The following FXYD5 variants were observed in gnomAD, a reference collection of about 807,000 sequenced individuals.
FXYD5 encodes the protein FXYD domain containing ion transport regulator 5.
A neutral mutation model predicts 25.7 loss-of-function variants in FXYD5; 21 were observed. The ratio of observed to expected loss-of-function variants is 0.82; its 90% CI spans 0.58 to 1.18. The LOEUF (loss-of-function observed/expected upper bound fraction) is 1.18, where lower values mean the gene tolerates loss of function less well. FXYD5 is among the 50% of genes most tolerant of loss of function. The pLI, the probability that FXYD5 is intolerant of heterozygous loss-of-function variation, is 0.00. For synonymous variants in FXYD5, 101 were observed against 90.7 expected, an observed-to-expected ratio of 1.11 and a Z score of -0.64; for missense variants, 229 against 227.7, an observed-to-expected ratio of 1.01 and a Z score of -0.04.
intron 3 of FXYD5, chr19:35,157,726 G>T: frequency 2.4e-6 from 1 of 414,124 alleles, no homozygotes; most frequent in East Asian, 5.8e-5. Context: ...TTCAGGAAGA[G>T]TCTCCTCTCA....
At chr19:35,165,999 G>A (rs1056157391) in intron 6 of FXYD5, 143 bp from the exon 7 acceptor site, 4 of 767,842 alleles carry the variant, frequency 5.2e-6, no homozygotes, top group South Asian at 1.5e-5. Flanking sequence ...AGGAATAATG[G>A]GAGCCAGATT....
rs1600514994 is a variant in FXYD5, at chr19:35,169,746, T to C, written c.*131T>C. The C allele has an allele frequency of 1.5e-5, 10 of 683,594 alleles. No individual in the cohort carries two copies. In the South Asian group the frequency reaches 1.5e-4, roughly 10 times the overall value. The allele number at this position is 683,594 out of a possible 1,614,324, so 42.3% of individuals were successfully genotyped here. A position where few individuals can be genotyped will look rare whatever the true frequency, so the allele number is the denominator to read the frequency against. On this transcript the variant is annotated 3_prime_UTR_variant, in exon 9 of 9. Transcript: ENST00000392219. ...AGAGGGAAGACACAGATGATGAAGC[T>C]GGAGCCAGGGCTGCCGGTCCGAGTC...
chr19:35,155,476 G>A, intron 1 of FXYD5, 75 bp from the exon 2 acceptor site: 1 of 1,232,834 alleles, frequency 8.1e-7, no homozygotes, highest in Non-Finnish European at 1.2e-6. Flanking sequence ...GGAAAGGGCT[G>A]CAGGATCCCC....
chr19:35,160,153 G>A (rs2065391928), intron 4 of FXYD5, among the ~76,000 whole-genome samples: 1 of 152,214 alleles, frequency 6.6e-6, no homozygotes, highest in South Asian at 2.1e-4. Flanking sequence ...AGGCTACAGT[G>A]AGCTATGATT....
chr19:35,158,434 AC>A, intron 4 of FXYD5, 34 bp downstream of exon 4: 1 of 1,294,796 alleles, frequency 7.7e-7, no homozygotes, highest in Non-Finnish European at 1.1e-6. Flanking sequence ...CGGGGACAGG[AC>A]CAAGACAAAC....
intron 4 of FXYD5, among the ~76,000 whole-genome samples, chr19:35,158,690 G>T (rs1411988981): frequency 1.3e-5 from 2 of 152,152 alleles, no homozygotes; most frequent in African/African-American, 4.8e-5. Flanking sequence ...TACCAACCGG[G>T]TCAAGGAGCA....
At position 35,169,848 on chromosome 19, in the gene FXYD5, G is replaced by A. The variant is rs2065483947; in HGVS notation, c.*233G>A. 1.8e-6 allele frequency: 1 copy of A among 562,562 alleles called. No homozygotes were observed. Among genetic ancestry groups the A allele is most frequent in the East Asian group, 3.0e-5 (1 of 32,982 alleles). 34.8% of individuals were successfully genotyped at this position (562,562 alleles called of 1,614,324 possible). Reference sequence around the variant, plus strand: ...GGCTGTCCCTCAAGTTATCTCCTCTGCTAAGACAAAAAGTAAAGCACTGTG... The same window carrying A: ...GGCTGTCCCTCAAGTTATCTCCTCTACTAAGACAAAAAGTAAAGCACTGTG... On this transcript the variant is annotated 3_prime_UTR_variant, in exon 9 of 9. Coordinates refer to ENST00000392219, the MANE Select transcript of FXYD5 (RefSeq NM_014164.6).
Position 35,169,579 on chromosome 19 carries a change from G to A in FXYD5, c.501G>A (p.Arg167=). 2 of 1,610,690 alleles carry A rather than the reference G, an allele frequency of 1.2e-6. No homozygotes were observed. Among genetic ancestry groups the A allele is most frequent in the Non-Finnish European group, 1.7e-6 (2 of 1,176,822 alleles). Residue 167 remains arginine (R), a synonymous_variant, in exon 9 of 9, where the codon AGG becomes AGA. Transcript: ENST00000392219. ...CTTCACCCACAGGTGGCAAGTGCAG[G>A]CAGCTGTCCCGGTTATGCCGGAATC... ...GIIILTSGKC[R]QLSRLCRNRC... is the part of the protein sequence containing the mutation.
intron 4 of FXYD5, chr19:35,159,670 C>A: frequency 6.5e-7 from 1 of 1,533,460 alleles, no homozygotes; most frequent in South Asian, 1.2e-5. Context: ...ATGTGCTGGT[C>A]ATGGTTCTAA....
At chr19:35,168,530 G>A (rs920288859) in intron 8 of FXYD5, among the ~76,000 whole-genome samples, 2 of 152,150 alleles carry the variant, frequency 1.3e-5, no homozygotes, top group African/African-American at 4.8e-5. Flanking sequence ...AGGGTAGGTT[G>A]GGGGAGAGGA....
intron 8 of FXYD5, among the ~76,000 whole-genome samples, chr19:35,167,322 G>A (rs2065459285): frequency 6.6e-6 from 1 of 152,196 alleles, no homozygotes; most frequent in South Asian, 2.1e-4. Flanking sequence ...CCTGGTGAGA[G>A]ATGGAACTGG....
chr19:35,162,078 A>C (rs775875234), intron 5 of FXYD5, among the ~76,000 whole-genome samples: 11 of 152,248 alleles, frequency 7.2e-5, no homozygotes, highest in Non-Finnish European at 1.5e-4. Flanking sequence ...CACACTTATC[A>C]ATGATAAAGC....
rs1245577210 is a variant in FXYD5 at position 35,159,522 on chromosome 19, A to G, written c.199+1122A>G. 1.7e-5 allele frequency: 26 copies of G among 1,550,582 alleles called. No individual in the cohort carries two copies. In the East Asian group the frequency reaches 6.1e-4, roughly 36 times the overall value. On this transcript the variant is annotated intron_variant, in intron 4 of 8. Coordinates refer to ENST00000392219, the MANE Select transcript of FXYD5 (RefSeq NM_014164.6). Reference sequence around the variant, plus strand: ...CTGCCTGGTATTCCACAAGGCGCCTATATCACAGCTTATGGAGTCACACAC... The same window carrying G: ...CTGCCTGGTATTCCACAAGGCGCCTGTATCACAGCTTATGGAGTCACACAC...
chr19:35,155,495 C>A, intron 1 of FXYD5, 56 bp from the exon 2 acceptor site: 3 of 1,415,238 alleles, frequency 2.1e-6, no homozygotes, highest in Non-Finnish European at 3.0e-6. Flanking sequence ...CCGGGGGCTG[C>A]CGGAGGTCGG....
chr19:35,166,542 G>C (rs2065452994), intron 8 of FXYD5: 3 of 473,182 alleles, frequency 6.3e-6, no homozygotes, highest in Non-Finnish European at 1.1e-5. Context: ...GGGCTCAGCT[G>C]GGTGATTCTT....
At chr19:35,167,947 G>A (rs1350921302) in intron 8 of FXYD5, among the ~76,000 whole-genome samples, 2 of 152,082 alleles carry the variant, frequency 1.3e-5, no homozygotes, top group African/African-American at 2.4e-5. Context: ...GGCGGGACAC[G>A]GTGGCTCACT....
intron 6 of FXYD5, among the ~76,000 whole-genome samples, chr19:35,164,566 T>A (rs2065434558): frequency 1.3e-5 from 2 of 152,198 alleles, no homozygotes; most frequent in Non-Finnish European, 2.9e-5. Context: ...GACTTACTCA[T>A]GCGTCTGAGG....
chr19:35,164,023 G>A lies in FXYD5; in HGVS notation c.293-133G>A, dbSNP rs375293473. The A allele has an allele frequency of 2.0e-6, 3 of 1,536,570 alleles. No homozygotes were observed. In the East Asian group the frequency reaches 7.3e-5, roughly 37 times the overall value. On this transcript the variant is annotated intron_variant, in intron 5 of 8. Coordinates refer to ENST00000392219, the MANE Select transcript of FXYD5 (RefSeq NM_014164.6). ...TTGCCTCTAGGTGTGGAGTAGGGGG[G>A]ATGCCTGACCCTGCACACCAGCTGT...
In FXYD5 at chr19:35,158,457, T is replaced by C. The variant is rs144186561; in HGVS notation, c.199+57T>C. On this transcript the variant is annotated intron_variant, in intron 4 of 8. Transcript: ENST00000392219. Reference sequence around the variant, plus strand: ...GGACCAAGACAAACAAAGTTTCCCCTCTTCCTCTGACACTATAGGTCTTTG... The same window carrying C: ...GGACCAAGACAAACAAAGTTTCCCCCCTTCCTCTGACACTATAGGTCTTTG... The C allele has an allele frequency of 2.2e-4, 229 of 1,027,542 alleles. 1 individual carries two copies. The African/African-American group carries it at 3.2e-3, about 14-fold the overall frequency. The allele number at this position is 1,027,542 out of a possible 1,614,324, so 63.7% of individuals were successfully genotyped here.
Sources: gnomAD v4.1 joint callset for allele counts (sites outside exome capture counted in the v4.1 genomes callset) on GRCh38, gnomAD v4.1.1 for gene constraint, MANE v1.5 for transcripts, NCBI Gene and HGNC (gene_info 2026-07-23, HGNC 2026-07-21) for gene names.